Variants in MGAT4C observed in about 807,000 individuals in gnomAD.
MGAT4C encodes MGAT4 family member C, also known as alpha-1,3-mannosyl-glycoprotein 4-beta-N-acetylglucosaminyltransferase C.
Under a neutral mutation model 40.1 loss-of-function variants are expected in MGAT4C, and 19 were observed. The ratio of observed to expected loss-of-function variants is 0.47; its 90% confidence interval spans 0.33 to 0.70. The LOEUF (loss-of-function observed/expected upper bound fraction) is 0.70. MGAT4C is among the 30% of genes least tolerant of loss of function. The probability of loss-of-function intolerance (pLI) is 0.02; values close to 1 mark genes in which losing one functional copy is unlikely to be tolerated. For missense variants in MGAT4C, 491 were observed against 563.2 expected, an observed-to-expected ratio of 0.87 and a Z score of 1.30; for synonymous variants, 181 against 187.1, an observed-to-expected ratio of 0.97 and a Z score of 0.27.
intron 4 of MGAT4C, among the ~76,000 whole-genome samples, chr12:86,275,341 A>AT (rs5799773): frequency 0.85 from 129,714 of 152,042 alleles, 55,404 homozygotes; most frequent in East Asian, 0.95. Flanking sequence ...ATGCAGTCTC[A>AT]TTATCCTTCT....
chr12:86,281,102 T>A (rs542477320), intron 4 of MGAT4C, among the ~76,000 whole-genome samples: 28 of 152,218 alleles, frequency 1.8e-4, no homozygotes, highest in African/African-American at 6.7e-4. Context: ...GCATACATTT[T>A]TGTTATTTCC....
chr12:86,708,147 C>T (rs543363166), intron 2 of MGAT4C, among the ~76,000 whole-genome samples: 1 of 152,184 alleles, frequency 6.6e-6, no homozygotes, highest in Non-Finnish European at 1.5e-5. Context: ...ATGGGCCAGG[C>T]CCAGGGTCCC....
At chr12:86,046,223 C>T (rs1006098250) in intron 2 of MGAT4C, among the ~76,000 whole-genome samples, 6 of 152,146 alleles carry the variant, frequency 3.9e-5, no homozygotes, top group African/African-American at 1.2e-4. Context: ...GACTTTGTAA[C>T]CTCTCCCATC....
chr12:86,068,122 A>G (rs1021129550), intron 1 of MGAT4C: 1 of 152,136 alleles, frequency 6.6e-6, no homozygotes, highest in African/African-American at 2.4e-5. Flanking sequence ...TACCTTACTA[A>G]AGTTTCTCTG....
intron 2 of MGAT4C, among the ~76,000 whole-genome samples, chr12:86,461,524 C>T (rs1957601864): frequency 1.3e-5 from 2 of 152,096 alleles, no homozygotes. Context: ...GGATTACAGG[C>T]GTGAGCCACT....
chr12:86,764,323 C>T (rs1320168829), intron 1 of MGAT4C, among the ~76,000 whole-genome samples: 2 of 152,144 alleles, frequency 1.3e-5, no homozygotes, highest in Non-Finnish European at 2.9e-5. Flanking sequence ...GGGTGCCCGC[C>T]ATTGCCCAGG....
chr12:86,432,961 T>G (rs1183942758), intron 3 of MGAT4C, among the ~76,000 whole-genome samples: 1 of 152,010 alleles, frequency 6.6e-6, no homozygotes, highest in Non-Finnish European at 1.5e-5. Flanking sequence ...CTGGAGTGGG[T>G]ATGAGGCTTG....
chr12:86,168,349 T>C (rs1028868574), intron 1 of MGAT4C, among the ~76,000 whole-genome samples: 1 of 152,174 alleles, frequency 6.6e-6, no homozygotes, highest in Non-Finnish European at 1.5e-5. Context: ...AATCAAGACA[T>C]GTGCCTTCCA....
chr12:86,683,024 A>G (rs1480032605), intron 2 of MGAT4C, among the ~76,000 whole-genome samples: 1 of 152,192 alleles, frequency 6.6e-6, no homozygotes, highest in African/African-American at 2.4e-5. Flanking sequence ...TGAAATAACA[A>G]TATGAAGTTC....
chr12:86,657,717 A>G (rs868455244), intron 2 of MGAT4C, among the ~76,000 whole-genome samples: 4 of 152,042 alleles, frequency 2.6e-5, no homozygotes, highest in African/African-American at 9.6e-5. Flanking sequence ...ACTAGTAAAT[A>G]TGCTGGAGGA....
At chr12:86,406,440 G>C (rs1453368206) in intron 3 of MGAT4C, among the ~76,000 whole-genome samples, 2 of 152,010 alleles carry the variant, frequency 1.3e-5, no homozygotes, top group Non-Finnish European at 2.9e-5. Flanking sequence ...GATAGGAAGA[G>C]ACATTTCACC....
At chr12:86,439,311 A>G (rs1957188198) in intron 2 of MGAT4C, among the ~76,000 whole-genome samples, 1 of 152,050 alleles carries the variant, frequency 6.6e-6, no homozygotes, top group African/African-American at 2.4e-5. Flanking sequence ...TTAGAAATTA[A>G]TTCCCAAAGG....
At chr12:86,085,005 G>T (rs1476131781) in intron 1 of MGAT4C, among the ~76,000 whole-genome samples, 1 of 151,796 alleles carries the variant, frequency 6.6e-6, no homozygotes, top group Non-Finnish European at 1.5e-5. Flanking sequence ...AAGATTTTGG[G>T]TTTTATTCTA....
chr12:86,639,548 T>C (rs1963317652), intron 2 of MGAT4C, among the ~76,000 whole-genome samples: 2 of 151,656 alleles, frequency 1.3e-5, no homozygotes, highest in Non-Finnish European at 3.0e-5. Flanking sequence ...TAAGAAAAAA[T>C]ACATTTATTT....
chr12:86,212,920 A>AAC (rs1566155962), intron 1 of MGAT4C, among the ~76,000 whole-genome samples: 2 of 146,616 alleles, frequency 1.4e-5, no homozygotes, highest in South Asian at 2.1e-4. Context: ...AAAAAAAAAA[A>AAC]AGAACACTCA....
intron 2 of MGAT4C, among the ~76,000 whole-genome samples, chr12:86,508,344 T>C (rs1958509194): frequency 6.6e-6 from 1 of 152,180 alleles, no homozygotes; most frequent in Non-Finnish European, 1.5e-5. Context: ...TTACTGAGAA[T>C]GATGATTTCC....
chr12:86,274,810 A>C (rs1953030266), intron 4 of MGAT4C, among the ~76,000 whole-genome samples: 2 of 152,210 alleles, frequency 1.3e-5, no homozygotes, highest in Admixed American at 6.5e-5. Flanking sequence ...GCCAGGGCAG[A>C]ATACAGAAGC....
rs1367828849 is a variant in MGAT4C, at chr12:86,148,201, T to G, written c.-56-98478A>C. Among the ~76,000 whole-genome samples, 3 of 151,940 alleles carry G rather than the reference T, an allele frequency of 2.0e-5. No homozygotes were observed. The East Asian group carries it at 5.8e-4, about 29-fold the overall frequency. ...CTTAAAATTTGTGCTCCTTAGAGAG[T>G]GAAAGGAGAGAACCAGGAATCATTA... On this transcript the variant is annotated intron_variant, in intron 1 of 4. Transcript: ENST00000611864.
chr12:86,153,742 G>A (rs972047983), intron 1 of MGAT4C, among the ~76,000 whole-genome samples: 5 of 152,148 alleles, frequency 3.3e-5, no homozygotes, highest in African/African-American at 1.2e-4. Context: ...TGAAGAAAGT[G>A]CTTGCTTCTC....
Sources: gnomAD v4.1 joint callset for allele counts (sites outside exome capture counted in the v4.1 genomes callset) on GRCh38, gnomAD v4.1.1 for gene constraint, MANE v1.5 for transcripts, NCBI Gene and HGNC (gene_info 2026-07-23, HGNC 2026-07-21) for gene names.